PLCB4: variants seen among roughly 807,000 people sequenced by gnomAD.
PLCB4 encodes 1-phosphatidylinositol 4,5-bisphosphate phosphodiesterase beta-4.
PLCB4 carries 77 observed loss-of-function variants against 178.8 expected under a neutral mutation model. The ratio of observed to expected loss-of-function variants is 0.43; its 90% CI spans 0.36 to 0.52. The LOEUF is 0.52. PLCB4 is among the 20% of genes least tolerant of loss of function. The pLI, the probability that PLCB4 is intolerant of heterozygous loss-of-function variation, is 0.00. For missense variants in PLCB4, 1,024 were observed against 1,453.4 expected (o/e 0.70, Z 4.80); for synonymous variants, 496 against 490.8 (o/e 1.01, Z -0.14).
chr20:9,258,998 A>G (rs2147531759), intron 3 of PLCB4, among the ~76,000 whole-genome samples: 1 of 152,322 alleles, frequency 6.6e-6, no homozygotes, highest in East Asian at 1.9e-4. Context: ...AAGGAATGCA[A>G]TAAAAAAAAT....
intron 4 of PLCB4, among the ~76,000 whole-genome samples, chr20:9,335,431 A>C (rs1568606307): frequency 6.6e-6 from 1 of 152,310 alleles, no homozygotes; most frequent in South Asian, 2.1e-4. Context: ...ATTCATCTAA[A>C]GTATCAACTT....
At chr20:9,117,627 C>G (rs1368569395) in intron 2 of PLCB4, among the ~76,000 whole-genome samples, 1 of 152,152 alleles carries the variant, frequency 6.6e-6, no homozygotes, top group Non-Finnish European at 1.5e-5. Flanking sequence ...AACTTCCAAC[C>G]AAGATTCCTA....
At chr20:9,162,929 T>C (rs1390803699) in intron 2 of PLCB4, among the ~76,000 whole-genome samples, 3 of 152,180 alleles carry the variant, frequency 2.0e-5, no homozygotes, top group Non-Finnish European at 4.4e-5. Context: ...ATTTAACCAC[T>C]GGTGGGGTGG....
Position 9,401,539 on chromosome 20 carries a change from T to G in PLCB4, c.1560T>G (p.Leu520=), listed in dbSNP as rs1446914090. Residue 520 remains leucine, a synonymous_variant, in exon 20 of 40, where the codon CTT becomes CTG. Transcript: ENST00000378473. ...AHPEFKFGNE[L]SADDLGHKEA... ...CCGAATTCAAATTTGGAAATGAACTTTCTGCTGATGACTTGGGTCACAAGG... is the reference window on the plus strand; with the variant it reads ...CCGAATTCAAATTTGGAAATGAACTGTCTGCTGATGACTTGGGTCACAAGG... 2 of 1,613,980 alleles carry G rather than the reference T, an allele frequency of 1.2e-6. No individual in the cohort carries two copies. Among genetic ancestry groups the G allele is most frequent in the East Asian group, 2.2e-5 (1 of 44,878 alleles).
chr20:9,171,297 G>T (rs1483299039), intron 2 of PLCB4, among the ~76,000 whole-genome samples: 1 of 152,128 alleles, frequency 6.6e-6, no homozygotes, highest in Admixed American at 6.6e-5. Context: ...ATTTTCAAAG[G>T]TACATCATTT....
At chr20:9,326,697 T>G (rs2030646386) in intron 4 of PLCB4, among the ~76,000 whole-genome samples, 1 of 152,122 alleles carries the variant, frequency 6.6e-6, no homozygotes, top group African/African-American at 2.4e-5. Flanking sequence ...GGCTCGTCTG[T>G]GGCAGCAGCT....
At chr20:9,228,591 C>G (rs1171889658) in intron 3 of PLCB4, among the ~76,000 whole-genome samples, 1 of 152,072 alleles carries the variant, frequency 6.6e-6, no homozygotes, top group Non-Finnish European at 1.5e-5. Flanking sequence ...CAATGGGAAG[C>G]TATAAGAAGG....
intron 12 of PLCB4, among the ~76,000 whole-genome samples, chr20:9,373,443 CA>C (rs2148307583): frequency 6.6e-6 from 1 of 152,222 alleles, no homozygotes; most frequent in Admixed American, 6.5e-5. Context: ...CTATTGATCT[CA>C]TTAAATAGAA....
At chr20:9,422,558 G>A (rs1419876550) in intron 27 of PLCB4, among the ~76,000 whole-genome samples, 1 of 152,172 alleles carries the variant, frequency 6.6e-6, no homozygotes, top group East Asian at 1.9e-4. Flanking sequence ...TCTAGAAGCT[G>A]AGAAAGTTGA....
chr20:9,096,430 T>C (rs923317690), intron 2 of PLCB4, 88 bp downstream of exon 2: 1 of 152,240 alleles, frequency 6.6e-6, no homozygotes, highest in Non-Finnish European at 1.5e-5. Flanking sequence ...GAAGCAATTT[T>C]TTATGCCACT....
chr20:9,190,055 A>T (rs1003447691), intron 2 of PLCB4, among the ~76,000 whole-genome samples: 1 of 152,194 alleles, frequency 6.6e-6, no homozygotes, highest in African/African-American at 2.4e-5. Context: ...GTTGAGAACC[A>T]CTGCTTCACA....
intron 20 of PLCB4, among the ~76,000 whole-genome samples, chr20:9,402,218 G>A (rs990685573): frequency 1.3e-5 from 2 of 152,230 alleles, no homozygotes; most frequent in Non-Finnish European, 2.9e-5. Flanking sequence ...ACAACTTACG[G>A]TGAGTGCAAT....
At chr20:9,160,890 A>G (rs572259526) in intron 2 of PLCB4, among the ~76,000 whole-genome samples, 48 of 152,272 alleles carry the variant, frequency 3.2e-4, no homozygotes, top group Non-Finnish European at 6.5e-4. Flanking sequence ...TAGCATGAAA[A>G]GGACTTTTAT....
chr20:9,193,655 C>A (rs543147842), intron 2 of PLCB4, among the ~76,000 whole-genome samples: 1 of 152,154 alleles, frequency 6.6e-6, no homozygotes, highest in African/African-American at 2.4e-5. Context: ...GAAAAAAGAC[C>A]TATGTCTTTT....
At chr20:9,328,559 A>G (rs1210364472) in intron 4 of PLCB4, among the ~76,000 whole-genome samples, 1 of 152,208 alleles carries the variant, frequency 6.6e-6, no homozygotes, top group Non-Finnish European at 1.5e-5. Flanking sequence ...CAAGGAGAAT[A>G]GCAGAGGCTT....
chr20:9,231,825 T>G (rs1284850337), intron 3 of PLCB4, among the ~76,000 whole-genome samples: 1 of 152,132 alleles, frequency 6.6e-6, no homozygotes, highest in Non-Finnish European at 1.5e-5. Flanking sequence ...GAATGAAAAC[T>G]TACATCCACA....
chr20:9,340,041 G>A (rs2032998478), intron 7 of PLCB4, among the ~76,000 whole-genome samples: 1 of 152,086 alleles, frequency 6.6e-6, no homozygotes. Context: ...GAATGGGGAG[G>A]CATTTTGTCT....
chr20:9,473,071 G>C (rs945056160), intron 37 of PLCB4, among the ~76,000 whole-genome samples: 1 of 152,096 alleles, frequency 6.6e-6, no homozygotes, highest in African/African-American at 2.4e-5. Context: ...TTAGTCATGC[G>C]TAAGTCCTCT....
intron 19 of PLCB4, 85 bp downstream of exon 19, chr20:9,395,703 C>A (rs2038525132): frequency 1.0e-6 from 1 of 955,364 alleles, no homozygotes; most frequent in Non-Finnish European, 1.6e-6. Flanking sequence ...GTGGCTCAAG[C>A]CCATAATCCC....
Sources: allele counts gnomAD v4.1 joint callset (sites outside exome capture counted in the v4.1 genomes callset), GRCh38; gene constraint gnomAD v4.1.1; transcripts MANE v1.5; gene names NCBI Gene and HGNC (gene_info 2026-07-23, HGNC 2026-07-21).